The following ARID1B variants were observed in gnomAD, a reference collection of about 807,000 sequenced individuals.
The protein encoded by ARID1B is AT-rich interactive domain-containing protein 1B.
In ARID1B, 30 loss-of-function variants were observed where a neutral mutation model predicts 212.3. The observed-to-expected ratio is 0.14, with a 90% CI of 0.11 to 0.19. The LOEUF (loss-of-function observed/expected upper bound fraction) is 0.19. Among genes scored for constraint, ARID1B ranks in the 10% least tolerant of loss-of-function variants. The probability of loss-of-function intolerance (pLI) is 1.00; values close to 1 mark genes in which losing one functional copy is unlikely to be tolerated. For missense variants in ARID1B, 2,891 were observed against 3,204.0 expected (o/e 0.90, Z 2.36); for synonymous variants, 1,402 against 1,301.7 (o/e 1.08, Z -1.66).
intron 4 of ARID1B, among the ~76,000 whole-genome samples, chr6:157,057,354 A>C (rs1214771831): frequency 1.3e-5 from 2 of 152,330 alleles, no homozygotes; most frequent in East Asian, 3.9e-4. Context: ...AATACAACAT[A>C]TTTTAAAAAT....
intron 4 of ARID1B, among the ~76,000 whole-genome samples, chr6:156,975,998 C>T (rs1384852242): frequency 6.6e-6 from 1 of 151,702 alleles, no homozygotes; most frequent in Non-Finnish European, 1.5e-5. Context: ...AGTACCTTCT[C>T]AAGGGTGGAG....
chr6:157,073,986 C>T (rs1477171250), intron 4 of ARID1B, among the ~76,000 whole-genome samples: 2 of 152,164 alleles, frequency 1.3e-5, no homozygotes, highest in Non-Finnish European at 2.9e-5. Flanking sequence ...TGCCCAAGTC[C>T]TCCGAGTGAG....
At position 157,174,058 on chromosome 6, in the gene ARID1B, C is replaced by T. The variant is rs775582196; in HGVS notation, c.3286C>T (p.Leu1096=). ...GTCTCCTGGTGAATCCAAACTGCCC[C>T]TGCCTCTCAAAGCAGACGGCAAAGA... The part of the protein sequence containing the change: ...MMSPGESKLP[L]PLKADGKEEG... Residue 1096 remains leucine (L), a synonymous_variant, in exon 10 of 20, where the codon CTG becomes TTG. Transcript: ENST00000636930. The T allele has an allele frequency of 6.2e-7, 1 of 1,614,160 alleles. No individual in the cohort carries two copies. The highest frequency in any genetic ancestry group is 1.1e-5 in the South Asian group (1 of 91,080).
chr6:157,149,031 T>C, intron 8 of ARID1B, 80 bp downstream of exon 8: 1 of 1,410,912 alleles, frequency 7.1e-7, no homozygotes, highest in Non-Finnish European at 9.7e-7. Context: ...ATAGCTGCAT[T>C]GTTCCCTGGG....
At chr6:157,060,155 G>A (rs888615840) in intron 4 of ARID1B, among the ~76,000 whole-genome samples, 1 of 152,172 alleles carries the variant, frequency 6.6e-6, no homozygotes, top group Non-Finnish European at 1.5e-5. Context: ...CAGTACTAAA[G>A]AGACCGCTGA....
intron 5 of ARID1B, among the ~76,000 whole-genome samples, chr6:157,096,440 T>C (rs1431454165): frequency 6.6e-6 from 1 of 152,232 alleles, no homozygotes; most frequent in African/African-American, 2.4e-5. Flanking sequence ...CATGGGATCA[T>C]TCTTTTCCCC....
At chr6:156,856,696 TCTCTCACACACACACACA>T (rs1184796535) in intron 2 of ARID1B, among the ~76,000 whole-genome samples, 384 of 84,302 alleles carry the variant, frequency 4.6e-3, no homozygotes, top group African/African-American at 0.017. Flanking sequence ...TCTCTCTCTC[TCTCTCACACACACACACA>T]CACACACACA....
rs759909326 is a variant in ARID1B at position 156,779,232 on chromosome 6, G to A, written c.1552G>A (p.Gly518Ser). The part of the protein sequence containing the change: ...SPSPMMRSYG[G>S]SYPEYSSPSA... The stretch of plus-strand genomic sequence containing the variant: ...CAGCCCCATGATGCGGAGCTACGGC[G>A]GCAGCTACCCCGAGTACAGCAGCCC... The change falls in exon 1 of 20, where the codon GGC (glycine) becomes AGC (serine). Residue 518 changes from glycine to serine, a missense_variant. Gly to Ser is a moderately conservative substitution (Grantham distance 56). Coordinates refer to ENST00000636930, the MANE Select transcript of ARID1B (RefSeq NM_001374828.1). The A allele has an allele frequency of 2.6e-5, 33 of 1,255,884 alleles. No individual in the cohort carries two copies. In the African/African-American group the frequency reaches 4.8e-4, roughly 18 times the overall value. The allele number at this position is 1,255,884 out of a possible 1,614,324, so 77.8% of individuals were successfully genotyped here.
intron 6 of ARID1B, among the ~76,000 whole-genome samples, chr6:157,119,400 T>C (rs1176301200): frequency 6.6e-6 from 1 of 152,210 alleles, no homozygotes; most frequent in African/African-American, 2.4e-5. Flanking sequence ...GGCCTGTCCT[T>C]ATCCAGCCCC....
intron 4 of ARID1B, among the ~76,000 whole-genome samples, chr6:157,008,428 A>G (rs1364809038): frequency 1.3e-5 from 2 of 152,144 alleles, no homozygotes; most frequent in Non-Finnish European, 2.9e-5. Context: ...GCTGCTAAGT[A>G]TTATTGAAAG....
chr6:157,031,712 CTCT>C (rs1282465579), intron 4 of ARID1B, among the ~76,000 whole-genome samples: 12 of 152,268 alleles, frequency 7.9e-5, no homozygotes, highest in South Asian at 2.1e-4. Context: ...TCACCCCCTC[CTCT>C]TGTTATTTCA....
chr6:156,805,018 C>T (rs552379344), intron 1 of ARID1B, among the ~76,000 whole-genome samples: 36 of 152,022 alleles, frequency 2.4e-4, no homozygotes, highest in Admixed American at 1.4e-3. Context: ...AAGAGTTTAA[C>T]AAATGTAAAC....
At chr6:156,960,501 T>C (rs1313452102) in intron 4 of ARID1B, among the ~76,000 whole-genome samples, 1 of 152,254 alleles carries the variant, frequency 6.6e-6, no homozygotes, top group African/African-American at 2.4e-5. Flanking sequence ...TGACAAAGTA[T>C]TGGCCTTAAA....
At chr6:157,006,085 C>T (rs1779237466) in intron 4 of ARID1B, among the ~76,000 whole-genome samples, 1 of 152,138 alleles carries the variant, frequency 6.6e-6, no homozygotes, top group Admixed American at 6.5e-5. Flanking sequence ...GACTCCTTTG[C>T]CCTTGGTATT....
chr6:157,062,706 AT>A (rs200133481), intron 4 of ARID1B, among the ~76,000 whole-genome samples: 9,293 of 135,908 alleles, frequency 0.068, 617 homozygotes, highest in African/African-American at 0.19. Context: ...ATATATATAT[AT>A]TTTTTTTTTT....
intron 2 of ARID1B, among the ~76,000 whole-genome samples, chr6:156,830,242 C>G (rs1055586410): frequency 2.6e-5 from 4 of 152,166 alleles, no homozygotes; most frequent in Non-Finnish European, 5.9e-5. Context: ...ATTTATAAAT[C>G]GCCATACCGT....
chr6:156,846,315 T>C (rs1253925893), intron 2 of ARID1B, among the ~76,000 whole-genome samples: 3 of 129,706 alleles, frequency 2.3e-5, no homozygotes, highest in Non-Finnish European at 5.0e-5. Flanking sequence ...CCACCACACC[T>C]GGCTAATATT....
chr6:156,989,107 T>C (rs1778113929), intron 4 of ARID1B, among the ~76,000 whole-genome samples: 1 of 152,212 alleles, frequency 6.6e-6, no homozygotes, highest in Non-Finnish European at 1.5e-5. Context: ...ACTCCCATTC[T>C]TTGAGCTCCC....
intron 5 of ARID1B, among the ~76,000 whole-genome samples, chr6:157,093,930 C>T (rs929193183): frequency 2.6e-5 from 4 of 152,148 alleles, no homozygotes; most frequent in Non-Finnish European, 4.4e-5. Context: ...GGGGTAAAGG[C>T]GCTGAACATA....
Sources: gnomAD v4.1 joint callset for allele counts (sites outside exome capture counted in the v4.1 genomes callset) on GRCh38, gnomAD v4.1.1 for gene constraint, MANE v1.5 for transcripts, NCBI Gene and HGNC (gene_info 2026-07-23, HGNC 2026-07-21) for gene names.